PRPH: variants seen among roughly 807,000 people sequenced by gnomAD.
PRPH encodes neurofilament 4 (57kD).
Under a neutral mutation model 52.6 loss-of-function variants are expected in PRPH, and 48 were observed. The observed-to-expected ratio is 0.91, with a 90% confidence interval of 0.72 to 1.16. The LOEUF is 1.16. Ranked by LOEUF, PRPH falls within the 50% of genes most tolerant of loss-of-function variation. The probability of loss-of-function intolerance (pLI) is 0.00; values close to 1 mark genes in which losing one functional copy is unlikely to be tolerated. For synonymous variants in PRPH, 279 were observed against 283.8 expected, an observed-to-expected ratio of 0.98 and a Z score of 0.17; for missense variants, 579 against 635.7, an observed-to-expected ratio of 0.91 and a Z score of 0.96.
chr12:49,296,633 G>A lies in PRPH; in HGVS notation c.702+106G>A. The A allele has an allele frequency of 8.4e-7, 1 of 1,186,442 alleles. No homozygotes were observed. The highest frequency in any genetic ancestry group is 1.2e-6 in the Non-Finnish European group (1 of 817,090). The allele number at this position is 1,186,442 out of a possible 1,614,324, so 73.5% of individuals were successfully genotyped here. A position where few individuals can be genotyped will look rare whatever the true frequency, so the allele number is the denominator to read the frequency against. ...GCCCTGGGGATCAGGACGATGCTGGGTAGACGCAGCCCCTCCACCCTAGTC... is the reference window on the plus strand; with the variant it reads ...GCCCTGGGGATCAGGACGATGCTGGATAGACGCAGCCCCTCCACCCTAGTC... On this transcript the variant is annotated intron_variant, in intron 3 of 8. Coordinates refer to ENST00000257860, the MANE Select transcript of PRPH (RefSeq NM_006262.4). The surrounding 1 kb of genome is among the most constrained non-coding windows in gnomAD (Gnocchi z 5.1).
At chr12:49,295,775 C>T (rs1312226729) in intron 1 of PRPH, 30 bp downstream of exon 1, 3 of 1,452,674 alleles carry the variant, frequency 2.1e-6, no homozygotes, top group Non-Finnish European at 2.7e-6. Flanking sequence ...CCGCTGCCGT[C>T]GAGGCGAGGT....
Position 49,296,900 on chromosome 12 carries a change from C to A in PRPH, c.714C>A (p.Asp238Glu). 1 of 1,611,992 alleles carries A rather than the reference C, an allele frequency of 6.2e-7. No individual in the cohort carries two copies. Among genetic ancestry groups the A allele is most frequent in the South Asian group, 1.1e-5 (1 of 90,772 alleles). ...GCTCCCGGCCGTAGGAGCTGCGAGA[C>A]CTGCAGGTGAGTGTGGAGAGCCAGC... The part of the protein sequence containing the change: ...LKKLHEEELR[D>E]LQVSVESQQV... Residue 238 changes from aspartate (D) to glutamate (E), a missense_variant, in exon 4 of 9, where the codon GAC becomes GAA. By Grantham distance (45) the Asp-to-Glu change is conservative (BLOSUM62 2). Coordinates refer to ENST00000257860, the MANE Select transcript of PRPH (RefSeq NM_006262.4). The surrounding 1 kb of genome is among the most constrained non-coding windows in gnomAD (Gnocchi z 5.1).
Position 49,295,693 on chromosome 12 carries a change from G to C in PRPH, c.493G>C (p.Val165Leu), listed in dbSNP as rs1302454838. 1 of 1,532,120 alleles carries C rather than the reference G, an allele frequency of 6.5e-7. No homozygotes were observed. The highest frequency in any genetic ancestry group is 2.5e-5 in the East Asian group (1 of 40,458). The allele number at this position is 1,532,120 out of a possible 1,614,324, so 94.9% of individuals were successfully genotyped here. ...LELLGRERDR[V>L]QVERDGLAED... ...GCTGTTGGGCCGCGAGCGTGACCGG[G>C]TGCAGGTGGAGCGCGACGGGCTGGC... Residue 165 changes from valine to leucine, a missense_variant, in exon 1 of 9, where the codon GTG becomes CTG. Physicochemically the swap from Val to Leu is conservative, Grantham distance 32. Coordinates refer to ENST00000257860, the MANE Select transcript of PRPH (RefSeq NM_006262.4).
In PRPH at chr12:49,297,076, C is replaced by T; in HGVS notation, c.870+20C>T. On this transcript the variant is annotated intron_variant, in intron 4 of 8. Coordinates refer to ENST00000257860, the MANE Select transcript of PRPH (RefSeq NM_006262.4). This position sits in a 1 kb window ranked among gnomAD's most constrained non-coding sequence, Gnocchi z 4.4. ...TCCAAGGTGCAAGAGCCGGGAGGGC[C>T]TGCGAGGCGGGACGCTGGGGTGGTG... is the stretch of plus-strand genomic sequence containing the variant. The T allele has an allele frequency of 6.2e-7, 1 of 1,613,860 alleles. No individual in the cohort carries two copies. The highest frequency in any genetic ancestry group is 8.5e-7 in the Non-Finnish European group (1 of 1,179,944).
intron 1 of PRPH, chr12:49,295,948 G>T: frequency 6.9e-7 from 1 of 1,448,070 alleles, no homozygotes; most frequent in Non-Finnish European, 9.1e-7. Flanking sequence ...AGTGTTTGGG[G>T]AGGTGGGAGA....
In PRPH at chr12:49,296,130, G is replaced by A. The variant is rs1943175296; in HGVS notation, c.546-48G>A. On this transcript the variant is annotated intron_variant, in intron 1 of 8. Transcript: ENST00000257860. This position sits in a 1 kb window ranked among gnomAD's most constrained non-coding sequence, Gnocchi z 5.1. The stretch of plus-strand genomic sequence containing the variant: ...GGGGGGCGTGCGGTCTGGGGTGCGA[G>A]CTGGGCGGCGACCCCGCAGTTCAGC... 6.3e-7 allele frequency: 1 copy of A among 1,588,996 alleles called. No homozygotes were observed. The highest frequency in any genetic ancestry group is 8.6e-7 in the Non-Finnish European group (1 of 1,167,694).
At position 49,298,018 on chromosome 12, in the gene PRPH, T is replaced by C. The variant is rs1285284536; in HGVS notation, c.1328T>C (p.Ile443Thr). ...CGGAAGACGGTTCTGATCAAGACCA[T>C]TGAGACCCGGAATGGGGAGGTGAGG... ...HSRKTVLIKT[I>T]ETRNGEVVTE... The change falls in exon 8 of 9, where the codon ATT becomes ACT. Residue 443 changes from isoleucine to threonine, a missense_variant. Physicochemically the swap from Ile to Thr is moderately conservative, Grantham distance 89. Coordinates refer to ENST00000257860, the MANE Select transcript of PRPH (RefSeq NM_006262.4). The C allele has an allele frequency of 3.7e-6, 6 of 1,614,158 alleles. No individual in the cohort carries two copies. The highest frequency in any genetic ancestry group is 3.3e-5 in the South Asian group (3 of 91,088).
At position 49,296,910 on chromosome 12, in the gene PRPH, A is replaced by C. The variant is rs771422817; in HGVS notation, c.724A>C (p.Ser242Arg). The C allele has an allele frequency of 1.2e-6, 2 of 1,612,538 alleles. No individual in the cohort carries two copies. Among genetic ancestry groups the C allele is most frequent in the Middle Eastern group, 1.7e-4 (1 of 5,816 alleles). Residue 242 changes from serine to arginine, a missense_variant, in exon 4 of 9, where the codon AGT becomes CGT. Ser to Arg is a moderately radical substitution (Grantham distance 110, BLOSUM62 -1). Transcript: ENST00000257860. The surrounding 1 kb of genome is among the most constrained non-coding windows in gnomAD (Gnocchi z 5.1). ...GTAGGAGCTGCGAGACCTGCAGGTG[A>C]GTGTGGAGAGCCAGCAGGTGCAGCA... is the stretch of plus-strand genomic sequence containing the variant. The part of the protein sequence containing the change: ...HEEELRDLQV[S>R]VESQQVQQVE...
At position 49,297,010 on chromosome 12, in the gene PRPH, TCG is replaced by T. The variant is rs1236468297; in HGVS notation, c.826_827del (p.Ala276ArgfsTer149). Reference sequence around the variant, plus strand: ...GACATCCGCGCGCAGTACGAGAGCATCGCCGCGAAGAACCTGCAGGAGGCGGA... The same window carrying T: ...GACATCCGCGCGCAGTACGAGAGCATCCGCGAAGAACCTGCAGGAGGCGGA... On this transcript the variant is annotated frameshift_variant, in exon 4 of 9. Coordinates refer to ENST00000257860, the MANE Select transcript of PRPH (RefSeq NM_006262.4). LOFTEE classifies it high-confidence loss of function. The surrounding 1 kb of genome is among the most constrained non-coding windows in gnomAD (Gnocchi z 4.4). The T allele has an allele frequency of 6.2e-7, 1 of 1,613,716 alleles. No individual in the cohort carries two copies. The highest frequency in any genetic ancestry group is 8.5e-7 in the Non-Finnish European group (1 of 1,179,936).
rs1226415177 is a variant in PRPH, at chr12:49,295,196, C to T, written c.-5C>T. 3 of 1,610,584 alleles carry T rather than the reference C, an allele frequency of 1.9e-6. No individual in the cohort carries two copies. The East Asian group carries it at 6.7e-5, about 36-fold the overall frequency. On this transcript the variant is annotated 5_prime_UTR_variant, in exon 1 of 9. Transcript: ENST00000257860. ...GCGAACGGTGACTGCCCATCCTTGG[C>T]CGCAATGAGCCACCACCCGTCGGGC...
In PRPH at chr12:49,298,569, C is replaced by A; in HGVS notation, c.*216C>A. 2 of 578,802 alleles carry A rather than the reference C, an allele frequency of 3.5e-6. No homozygotes were observed. Among genetic ancestry groups the A allele is most frequent in the Non-Finnish European group, 6.2e-6 (2 of 322,588 alleles). 35.9% of individuals were successfully genotyped at this position (578,802 alleles called of 1,614,324 possible). A position where few individuals can be genotyped will look rare whatever the true frequency, so the allele number is the denominator to read the frequency against. ...GACCTATGTGCTTCCCTTTTCATGTCCCGATAAGAAGCCAATGATCCCCCC... is the reference window on the plus strand; with the variant it reads ...GACCTATGTGCTTCCCTTTTCATGTACCGATAAGAAGCCAATGATCCCCCC... On this transcript the variant is annotated 3_prime_UTR_variant, in exon 9 of 9. Coordinates refer to ENST00000257860, the MANE Select transcript of PRPH (RefSeq NM_006262.4).
Position 49,296,579 on chromosome 12 carries a change from C to A in PRPH, c.702+52C>A. 6.5e-7 allele frequency: 1 copy of A among 1,543,896 alleles called. No homozygotes were observed. The highest frequency in any genetic ancestry group is 8.9e-7 in the Non-Finnish European group (1 of 1,121,090). The stretch of plus-strand genomic sequence containing the variant: ...TTTCTGAGGTTGTGGGGTGGTCTCG[C>A]TGGAGCTGGCGGGTGGAGCGGAGGC... On this transcript the variant is annotated intron_variant, in intron 3 of 8. Coordinates refer to ENST00000257860, the MANE Select transcript of PRPH (RefSeq NM_006262.4). The surrounding 1 kb of genome is among the most constrained non-coding windows in gnomAD (Gnocchi z 5.1).
At chr12:49,298,251 A>AT (rs767676794) in intron 8 of PRPH, 37 bp from the exon 9 acceptor site, 67 of 1,612,942 alleles carry the variant, frequency 4.2e-5, no homozygotes, top group Admixed American at 1.8e-4. Context: ...GGTGGCGCTG[A>AT]ATGGCTTGTG....
chr12:49,298,371 C>T lies in PRPH; in HGVS notation c.*18C>T, dbSNP rs949464299. ...GTTACTGAACCCCTTGGTCCGGAGC[C>T]TTGACTCTGCCCTAGGCCTGCTCAA... On this transcript the variant is annotated 3_prime_UTR_variant, in exon 9 of 9. Transcript: ENST00000257860. 2 of 1,613,994 alleles carry T rather than the reference C, an allele frequency of 1.2e-6. No individual in the cohort carries two copies. The highest frequency in any genetic ancestry group is 1.7e-6 in the Non-Finnish European group (2 of 1,179,888).
rs1166004455 is a variant in PRPH, at chr12:49,297,361, A to C, written c.1001A>C (p.Glu334Ala). 6 of 1,613,672 alleles carry C rather than the reference A, an allele frequency of 3.7e-6. No homozygotes were observed. In the South Asian group the frequency reaches 6.6e-5, roughly 18 times the overall value. The change falls in exon 6 of 9, where the codon GAG becomes GCG. Residue 334 changes from glutamate to alanine, a missense_variant. Physicochemically the swap from Glu to Ala is moderately radical, Grantham distance 107. Coordinates refer to ENST00000257860, the MANE Select transcript of PRPH (RefSeq NM_006262.4). The surrounding 1 kb of genome is among the most constrained non-coding windows in gnomAD (Gnocchi z 4.4). ...CCTTCCACTCTCCTACCCCAGAACGAGGCGCTGCTCAGGCAGTTGAGAGAG... is the reference window on the plus strand; with the variant it reads ...CCTTCCACTCTCCTACCCCAGAACGCGGCGCTGCTCAGGCAGTTGAGAGAG... The part of the protein sequence containing the change: ...CEVDGLRGTN[E>A]ALLRQLRELE...
Position 49,297,476 on chromosome 12 carries a change from G to A in PRPH, c.1116G>A (p.Met372Ile). ...AGCTGCGACAGCTAAAAGAGGAGATGGCGCGGCACCTGAGGGAGTACCAGG... is the reference window on the plus strand; with the variant it reads ...AGCTGCGACAGCTAAAAGAGGAGATAGCGCGGCACCTGAGGGAGTACCAGG... ...EEELRQLKEE[M>I]ARHLREYQEL... The change falls in exon 6 of 9, where the codon ATG (methionine) becomes ATA (isoleucine). Residue 372 changes from methionine (M) to isoleucine (I), a missense_variant. Met to Ile is a conservative substitution (Grantham distance 10). Coordinates refer to ENST00000257860, the MANE Select transcript of PRPH (RefSeq NM_006262.4). The surrounding 1 kb of genome is among the most constrained non-coding windows in gnomAD (Gnocchi z 4.4). The A allele has an allele frequency of 1.2e-6, 2 of 1,612,790 alleles. No homozygotes were observed. The highest frequency in any genetic ancestry group is 1.3e-5 in the African/African-American group (1 of 75,028).
rs1284378050 is a variant in PRPH, at chr12:49,297,554, G to A, written c.1194G>A (p.Lys398=). ...ACATCGAGATCGCCACCTACCGCAA[G>A]CTGCTGGAGGGCGAGGAGAGCCGGT... The part of the protein sequence containing the change: ...ALDIEIATYR[K]LLEGEESRIS... The change falls in exon 6 of 9, where the codon AAG becomes AAA. Residue 398 remains lysine (K), a synonymous_variant. Transcript: ENST00000257860. The surrounding 1 kb of genome is among the most constrained non-coding windows in gnomAD (Gnocchi z 4.4). The A allele has an allele frequency of 6.2e-7, 1 of 1,611,836 alleles. No individual in the cohort carries two copies.
Position 49,295,228 on chromosome 12 carries a change from G to A in PRPH, c.28G>A (p.Ala10Thr). 1.9e-6 allele frequency: 3 copies of A among 1,611,542 alleles called. No homozygotes were observed. The highest frequency in any genetic ancestry group is 2.5e-6 in the Non-Finnish European group (3 of 1,179,540). The stretch of plus-strand genomic sequence containing the variant: ...GAGCCACCACCCGTCGGGCCTCCGG[G>A]CCGGCTTCAGCTCCACCTCATACCG... MSHHPSGLR[A>T]GFSSTSYRRT... Residue 10 changes from alanine (A) to threonine (T), a missense_variant, in exon 1 of 9, where the codon GCC becomes ACC. Physicochemically the swap from Ala to Thr is moderately conservative, Grantham distance 58 (BLOSUM62 0). Transcript: ENST00000257860.
In PRPH at chr12:49,297,127, T is replaced by C; in HGVS notation, c.871-21T>C. On this transcript the variant is annotated intron_variant, in intron 4 of 8. Transcript: ENST00000257860. The surrounding 1 kb of genome is among the most constrained non-coding windows in gnomAD (Gnocchi z 4.4). The stretch of plus-strand genomic sequence containing the variant: ...TCGCGCGTCCCAGCCGACTAAAGCC[T>C]GGGTTACCCCCACTTCTCAGTACGC... 6.2e-7 allele frequency: 1 copy of C among 1,613,982 alleles called. No homozygotes were observed. The highest frequency in any genetic ancestry group is 1.7e-5 in the Admixed American group (1 of 60,028).
Sources: allele counts gnomAD v4.1 joint callset, GRCh38; gene constraint gnomAD v4.1.1; non-coding constraint Gnocchi (gnomAD v3.1); transcripts MANE v1.5; gene names NCBI Gene and HGNC (gene_info 2026-07-23, HGNC 2026-07-21).